Variants in MCC observed in about 807,000 individuals in gnomAD.
MCC encodes colorectal mutant cancer protein.
MCC carries 90 observed loss-of-function variants against 116.2 expected under a neutral mutation model. That is an observed-to-expected ratio of 0.77 (90% CI 0.65 to 0.92). The LOEUF (loss-of-function observed/expected upper bound fraction) is 0.92. MCC is among the 40% of genes least tolerant of loss of function. MCC has a pLI of 0.00. For synonymous variants in MCC, 578 were observed against 510.5 expected (o/e 1.13, Z -1.78); for missense variants, 1,516 against 1,312.2 (o/e 1.16, Z -2.40).
At position 113,127,759 on chromosome 5, in the gene MCC, T is replaced by C. The variant is rs1351981777; in HGVS notation, c.885-4933A>G. On this transcript the variant is annotated intron_variant, in intron 5 of 18. Transcript: ENST00000408903. ...GCTGGAAAGACCTTTGTTTGATGCATAGTTTGCAAATATTTTCTCCCATTG... is the reference window on the plus strand; with the variant it reads ...GCTGGAAAGACCTTTGTTTGATGCACAGTTTGCAAATATTTTCTCCCATTG... 2.6e-5 allele frequency among the ~76,000 whole-genome samples: 4 copies of C among 152,232 alleles called. No individual in the cohort carries two copies. In the South Asian group the frequency reaches 6.2e-4, roughly 24 times the overall value.
At chr5:113,103,108 C>A (rs531244002) in intron 7 of MCC, among the ~76,000 whole-genome samples, 2 of 151,516 alleles carry the variant, frequency 1.3e-5, no homozygotes, top group African/African-American at 4.8e-5. Context: ...AGCAAGACTC[C>A]GTCTAAAAAA....
chr5:113,295,432 GAAGA>G (rs1320193430), intron 3 of MCC, among the ~76,000 whole-genome samples: 1 of 152,076 alleles, frequency 6.6e-6, no homozygotes, highest in Non-Finnish European at 1.5e-5. Context: ...TGTCCATAAT[GAAGA>G]TAGAGGCCCC....
intron 2 of MCC, among the ~76,000 whole-genome samples, chr5:113,349,875 A>T (rs1768224362): frequency 6.6e-6 from 1 of 152,138 alleles, no homozygotes; most frequent in Admixed American, 6.5e-5. Flanking sequence ...TACAAAAATC[A>T]GTAGCATTTC....
chr5:113,124,054 C>G (rs1416566887), intron 5 of MCC, among the ~76,000 whole-genome samples: 1 of 152,104 alleles, frequency 6.6e-6, no homozygotes, highest in African/African-American at 2.4e-5. Flanking sequence ...TCAAATTTCT[C>G]CCAGGAAAGG....
chr5:113,265,443 C>T (rs570659158), intron 3 of MCC, among the ~76,000 whole-genome samples: 3 of 152,306 alleles, frequency 2.0e-5, no homozygotes, highest in Admixed American at 6.5e-5. Context: ...TATGGGGCCA[C>T]ATTTTCAGTA....
intron 4 of MCC, among the ~76,000 whole-genome samples, chr5:113,144,379 C>T (rs898644649): frequency 1.3e-5 from 2 of 152,214 alleles, no homozygotes; most frequent in South Asian, 2.1e-4. Context: ...CTACTACACT[C>T]GGCTTCGATT....
chr5:113,206,222 G>A (rs960757215), intron 3 of MCC, among the ~76,000 whole-genome samples: 4 of 152,202 alleles, frequency 2.6e-5, no homozygotes, highest in African/African-American at 9.7e-5. Flanking sequence ...GCTTTACTGA[G>A]TGCCCTGGTC....
At chr5:113,284,594 C>T (rs765257028) in intron 3 of MCC, among the ~76,000 whole-genome samples, 4 of 152,152 alleles carry the variant, frequency 2.6e-5, no homozygotes, top group Non-Finnish European at 5.9e-5. Flanking sequence ...CTACATTTCC[C>T]CTTTTGCCAC....
intron 3 of MCC, among the ~76,000 whole-genome samples, chr5:113,199,123 G>C (rs1202192354): frequency 6.6e-6 from 1 of 152,002 alleles, no homozygotes; most frequent in Non-Finnish European, 1.5e-5. Flanking sequence ...AGCCAAGATT[G>C]CACCACTGCA....
intron 1 of MCC, among the ~76,000 whole-genome samples, chr5:113,453,325 G>C (rs1771453111): frequency 6.6e-6 from 1 of 151,904 alleles, no homozygotes; most frequent in Non-Finnish European, 1.5e-5. Context: ...CACATACAGA[G>C]AGTCCTACCA....
At chr5:113,335,443 G>C (rs1364900758) in intron 3 of MCC, among the ~76,000 whole-genome samples, 2 of 151,580 alleles carry the variant, frequency 1.3e-5, no homozygotes, top group Admixed American at 1.3e-4. Context: ...AATTTATCTA[G>C]ACATTGCTAT....
chr5:113,056,680 G>A (rs537577238), intron 14 of MCC, among the ~76,000 whole-genome samples: 1 of 152,074 alleles, frequency 6.6e-6, no homozygotes, highest in African/African-American at 2.4e-5. Flanking sequence ...CATGACATGA[G>A]TTTACCTATG....
intron 2 of MCC, among the ~76,000 whole-genome samples, chr5:113,372,786 G>A (rs758025125): frequency 1.3e-5 from 2 of 152,192 alleles, no homozygotes; most frequent in Middle Eastern, 3.4e-3. Flanking sequence ...TTAACTCCCC[G>A]GGCTCAAGCA....
At chr5:113,284,827 G>A (rs1157254748) in intron 3 of MCC, among the ~76,000 whole-genome samples, 1 of 152,122 alleles carries the variant, frequency 6.6e-6, no homozygotes, top group Non-Finnish European at 1.5e-5. Flanking sequence ...AGTTATATTT[G>A]TTATAAATCA....
At chr5:113,164,971 C>CA (rs1020517305) in intron 3 of MCC, among the ~76,000 whole-genome samples, 2 of 152,172 alleles carry the variant, frequency 1.3e-5, no homozygotes, top group African/African-American at 4.8e-5. Context: ...ACTCTGTAGC[C>CA]AAAAAGGCGC....
At chr5:113,092,953 T>C (rs1387985062) in intron 8 of MCC, among the ~76,000 whole-genome samples, 2 of 152,152 alleles carry the variant, frequency 1.3e-5, no homozygotes, top group Non-Finnish European at 2.9e-5. Flanking sequence ...AGCAATTTGA[T>C]TGTCAGCTGC....
At chr5:113,264,641 C>G (rs1164184576) in intron 3 of MCC, among the ~76,000 whole-genome samples, 2 of 151,986 alleles carry the variant, frequency 1.3e-5, no homozygotes, top group Admixed American at 6.6e-5. Flanking sequence ...TTTGTAGAGC[C>G]TACAAGGTAA....
chr5:113,410,444 C>T (rs539071708), intron 1 of MCC, among the ~76,000 whole-genome samples: 35 of 152,158 alleles, frequency 2.3e-4, no homozygotes, highest in South Asian at 8.3e-4. Context: ...CTGATCAATT[C>T]GGTAGGTTAA....
intron 1 of MCC, among the ~76,000 whole-genome samples, chr5:113,420,327 G>GA (rs1770293928): frequency 6.6e-6 from 1 of 151,832 alleles, no homozygotes; most frequent in East Asian, 1.9e-4. Flanking sequence ...CAATTAAAAG[G>GA]AAAAAAGAAA....
Sources: gnomAD v4.1 joint callset for allele counts (sites outside exome capture counted in the v4.1 genomes callset) on GRCh38, gnomAD v4.1.1 for gene constraint, MANE v1.5 for transcripts, NCBI Gene and HGNC (gene_info 2026-07-23, HGNC 2026-07-21) for gene names.